The following DTNA variants were observed in gnomAD, a reference collection of about 807,000 sequenced individuals.
The protein encoded by DTNA is dystrobrevin alpha.
DTNA carries 43 observed loss-of-function variants against 100.7 expected under a neutral mutation model. The ratio of observed to expected loss-of-function variants is 0.43; its 90% CI spans 0.33 to 0.55. The LOEUF (loss-of-function observed/expected upper bound fraction) is 0.55. DTNA is among the 20% of genes least tolerant of loss of function. The probability of loss-of-function intolerance (pLI) is 0.04; values close to 1 mark genes in which losing one functional copy is unlikely to be tolerated. For synonymous variants in DTNA, 349 were observed against 347.9 expected, an observed-to-expected ratio of 1.00 and a Z score of -0.04; for missense variants, 798 against 953.9, an observed-to-expected ratio of 0.84 and a Z score of 2.15.
chr18:34,854,102 C>T (rs1197205186), intron 15 of DTNA, among the ~76,000 whole-genome samples: 4 of 152,202 alleles, frequency 2.6e-5, no homozygotes, highest in African/African-American at 9.6e-5. Flanking sequence ...CTTTGTGGTT[C>T]GTGGAATGCT....
At chr18:34,550,405 C>T (rs982540365) in intron 1 of DTNA, among the ~76,000 whole-genome samples, 3 of 152,126 alleles carry the variant, frequency 2.0e-5, no homozygotes, top group Non-Finnish European at 2.9e-5. Flanking sequence ...GACCTTCTTG[C>T]TCACCCAAAG....
At chr18:34,755,152 A>T (rs2092688715) in intron 1 of DTNA, among the ~76,000 whole-genome samples, 1 of 152,254 alleles carries the variant, frequency 6.6e-6, no homozygotes, top group Non-Finnish European at 1.5e-5. Context: ...TGCAATAAAA[A>T]GTCAAATCCG....
chr18:34,800,184 T>C (rs561671110), intron 4 of DTNA, among the ~76,000 whole-genome samples: 2 of 152,352 alleles, frequency 1.3e-5, no homozygotes, highest in African/African-American at 4.8e-5. Context: ...AAGTTGCTTC[T>C]CACTTGTGCA....
At chr18:34,749,703 TAGA>T (rs1311557107) in intron 1 of DTNA, among the ~76,000 whole-genome samples, 3 of 150,330 alleles carry the variant, frequency 2.0e-5, no homozygotes, top group East Asian at 3.9e-4. Context: ...GTTCCAGGAG[TAGA>T]AGATGATATT....
intron 11 of DTNA, among the ~76,000 whole-genome samples, chr18:34,834,263 C>T (rs1040317047): frequency 1.3e-4 from 20 of 151,490 alleles, no homozygotes; most frequent in Non-Finnish European, 2.8e-4. Flanking sequence ...TGGGAGGCGA[C>T]GGCAGGTAGA....
At chr18:34,531,605 A>C (rs1391475032) in intron 1 of DTNA, among the ~76,000 whole-genome samples, 1 of 152,080 alleles carries the variant, frequency 6.6e-6, no homozygotes, top group African/African-American at 2.4e-5. Flanking sequence ...TTAACTCTGC[A>C]AAGTGGGAAC....
At chr18:34,814,381 T>TA (rs35571311) in intron 6 of DTNA, among the ~76,000 whole-genome samples, 10 of 150,506 alleles carry the variant, frequency 6.6e-5, no homozygotes, top group East Asian at 3.9e-4. Context: ...GACTGGGTTT[T>TA]AAAAAAAAAA....
At chr18:34,716,477 C>T (rs943974420) in intron 1 of DTNA, among the ~76,000 whole-genome samples, 1 of 152,002 alleles carries the variant, frequency 6.6e-6, no homozygotes, top group Admixed American at 6.6e-5. Flanking sequence ...GCAAGAGAAT[C>T]GCTTGAACCC....
intron 1 of DTNA, among the ~76,000 whole-genome samples, chr18:34,543,074 T>C (rs2044406440): frequency 6.6e-6 from 1 of 152,022 alleles, no homozygotes; most frequent in Non-Finnish European, 1.5e-5. Context: ...ATTATGTATT[T>C]GGTTCTGTAC....
At chr18:34,586,294 A>G (rs1391008846) in intron 1 of DTNA, among the ~76,000 whole-genome samples, 1 of 152,158 alleles carries the variant, frequency 6.6e-6, no homozygotes, top group Non-Finnish European at 1.5e-5. Context: ...GGTGCCTCCA[A>G]GGGTAGATTA....
intron 19 of DTNA, among the ~76,000 whole-genome samples, chr18:34,879,035 C>T (rs2096846633): frequency 6.6e-6 from 1 of 152,110 alleles, no homozygotes; most frequent in South Asian, 2.1e-4. Context: ...GTAACCACTG[C>T]CCTAGCAAAT....
At chr18:34,731,827 A>G (rs77436906) in intron 1 of DTNA, among the ~76,000 whole-genome samples, 5,653 of 152,284 alleles carry the variant, frequency 0.037, 337 homozygotes, top group African/African-American at 0.13. Flanking sequence ...GGTCAAATGG[A>G]GAGTGTTAAA....
At chr18:34,753,609 CCTGACCTCGTGA>C (rs1277138192) in intron 1 of DTNA, among the ~76,000 whole-genome samples, 1 of 150,408 alleles carries the variant, frequency 6.6e-6, no homozygotes, top group East Asian at 1.9e-4. Context: ...GTCTCGATCT[CCTGACCTCGTGA>C]TCCGCCCGCC....
chr18:34,673,237 C>T (rs1258439342), intron 1 of DTNA, among the ~76,000 whole-genome samples: 1 of 152,074 alleles, frequency 6.6e-6, no homozygotes, highest in African/African-American at 2.4e-5. Context: ...AGGTACACAC[C>T]ACCACGCCCA....
intron 1 of DTNA, among the ~76,000 whole-genome samples, chr18:34,581,344 G>A (rs2048612111): frequency 6.6e-6 from 1 of 152,156 alleles, no homozygotes; most frequent in Non-Finnish European, 1.5e-5. Flanking sequence ...TGTGGCAAAG[G>A]TGCTCCACCT....
intron 15 of DTNA, among the ~76,000 whole-genome samples, chr18:34,857,665 C>G (rs1020751802): frequency 1.3e-5 from 2 of 152,014 alleles, no homozygotes; most frequent in African/African-American, 2.4e-5. Context: ...CACTTTCCTT[C>G]TAAGGTGGAC....
At chr18:34,719,429 C>T (rs564240025) in intron 1 of DTNA, among the ~76,000 whole-genome samples, 1 of 152,280 alleles carries the variant, frequency 6.6e-6, no homozygotes, top group African/African-American at 2.4e-5. Context: ...CTTTTACCAT[C>T]TTTATTTTAC....
intron 3 of DTNA, among the ~76,000 whole-genome samples, chr18:34,784,842 C>T (rs2094453423): frequency 6.6e-6 from 1 of 152,078 alleles, no homozygotes; most frequent in Non-Finnish European, 1.5e-5. Flanking sequence ...CATTTCCCAA[C>T]TCTGTGTGTA....
intron 1 of DTNA, among the ~76,000 whole-genome samples, chr18:34,721,763 CGTAT>C (rs1410198240): frequency 6.6e-6 from 1 of 152,160 alleles, no homozygotes; most frequent in African/African-American, 2.4e-5. Flanking sequence ...TATATTCCTA[CGTAT>C]GTGTTTGTCT....
Sources: gnomAD v4.1 joint callset for allele counts (sites outside exome capture counted in the v4.1 genomes callset) on GRCh38, gnomAD v4.1.1 for gene constraint, MANE v1.5 for transcripts, NCBI Gene and HGNC (gene_info 2026-07-23, HGNC 2026-07-21) for gene names.